FAM20B: variants seen among roughly 807,000 people sequenced by gnomAD.
FAM20B encodes FAM20B glycosaminoglycan xylosylkinase, also known as glycosaminoglycan xylosylkinase.
Under a neutral mutation model 43.8 loss-of-function variants are expected in FAM20B, and 23 were observed. That is an observed-to-expected ratio of 0.53 (90% CI 0.38 to 0.74). FAM20B has a LOEUF of 0.74. Among genes scored for constraint, FAM20B ranks in the 30% least tolerant of loss-of-function variants. The pLI, the probability that FAM20B is intolerant of heterozygous loss-of-function variation, is 0.00. For synonymous variants in FAM20B, 178 were observed against 192.4 expected (o/e 0.93, Z 0.62); for missense variants, 440 against 510.5 (o/e 0.86, Z 1.33).
In FAM20B at chr1:179,043,707, G is replaced by T. The variant is rs940380500; in HGVS notation, c.-133-8G>T. 17 of 831,994 alleles carry T rather than the reference G, an allele frequency of 2.0e-5. No individual in the cohort carries two copies. The highest frequency in any genetic ancestry group is 3.8e-4 in the Middle Eastern group (1 of 2,660). 51.5% of individuals were successfully genotyped at this position (831,994 alleles called of 1,614,324 possible). On this transcript the variant is annotated splice_region_variant and splice_polypyrimidine_tract_variant and intron_variant, in intron 1 of 7. Coordinates refer to ENST00000263733, the MANE Select transcript of FAM20B (RefSeq NM_014864.4). ...TGATCAAATTTTGCTTTGTACTTGGGCTTGCAGGAACTGTGGAAGGTGCAT... is the reference window on the plus strand; with the variant it reads ...TGATCAAATTTTGCTTTGTACTTGGTCTTGCAGGAACTGTGGAAGGTGCAT...
At chr1:179,055,511 A>G (rs1007902210) in intron 4 of FAM20B, among the ~76,000 whole-genome samples, 3 of 152,210 alleles carry the variant, frequency 2.0e-5, no homozygotes, top group African/African-American at 7.2e-5. Flanking sequence ...CTTGGGCTAT[A>G]CTTTTCTTAT....
intron 6 of FAM20B, 126 bp downstream of exon 6, chr1:179,064,622 G>A: frequency 1.4e-6 from 1 of 724,856 alleles, no homozygotes; most frequent in Non-Finnish European, 2.2e-6. Context: ...TTTTCCACTT[G>A]GAGTCTTTGC....
At chr1:179,020,329 G>A in the FAM20B span, among the ~76,000 whole-genome samples, 59,690 of 152,006 alleles carry the variant, frequency 0.39, 11,984 homozygotes, top group African/African-American at 0.45. Context: ...GCTTCTGTAT[G>A]TCTAAGCCCC....
At chr1:179,017,368 T>C in the FAM20B span, among the ~76,000 whole-genome samples, 1 of 152,230 alleles carries the variant, frequency 6.6e-6, no homozygotes, top group African/African-American at 2.4e-5. Context: ...AGGAGAATGT[T>C]GTTGCTTGAG....
chr1:179,070,236 G>A (rs1020321286), intron 7 of FAM20B, among the ~76,000 whole-genome samples: 1 of 151,780 alleles, frequency 6.6e-6, no homozygotes, highest in Non-Finnish European at 1.5e-5. Flanking sequence ...AGGAGAGATG[G>A]GGTTTCACCA....
At chr1:179,067,557 T>C (rs762338025) in intron 7 of FAM20B, among the ~76,000 whole-genome samples, 1 of 152,078 alleles carries the variant, frequency 6.6e-6, no homozygotes, top group Non-Finnish European at 1.5e-5. Context: ...TGAGCCGAGA[T>C]TGTGCCATTG....
the FAM20B span, among the ~76,000 whole-genome samples, chr1:179,019,085 C>A: frequency 3.9e-5 from 6 of 152,206 alleles, no homozygotes; most frequent in Non-Finnish European, 8.8e-5. Context: ...GCAGTCCACG[C>A]ACAGTGGGGA....
intron 7 of FAM20B, among the ~76,000 whole-genome samples, chr1:179,070,909 A>T (rs1376470171): frequency 6.6e-6 from 1 of 152,080 alleles, no homozygotes; most frequent in Non-Finnish European, 1.5e-5. Context: ...CTACCTTGAT[A>T]CTGTTACAAT....
intron 3 of FAM20B, among the ~76,000 whole-genome samples, chr1:179,051,548 G>A (rs1439254728): frequency 1.3e-5 from 2 of 151,960 alleles, no homozygotes; most frequent in Non-Finnish European, 2.9e-5. Context: ...GATTGCTTGA[G>A]CCTGGGAGGT....
intron 1 of FAM20B, among the ~76,000 whole-genome samples, chr1:179,030,124 A>G (rs1649948069): frequency 1.3e-5 from 2 of 152,172 alleles, no homozygotes; most frequent in Admixed American, 1.3e-4. Context: ...ATTGAATGTA[A>G]AACAGCTAAA....
At chr1:179,054,696 C>T (rs2102511069) in intron 4 of FAM20B, 58 bp downstream of exon 4, 6 of 1,041,124 alleles carry the variant, frequency 5.8e-6, no homozygotes, top group Non-Finnish European at 7.3e-6. Flanking sequence ...TAAAATGGGG[C>T]ATTGTTGAGC....
intron 2 of FAM20B, among the ~76,000 whole-genome samples, chr1:179,048,332 G>A (rs755658140): frequency 1.3e-5 from 2 of 152,160 alleles, no homozygotes; most frequent in Non-Finnish European, 2.9e-5. Flanking sequence ...CAAAACATGA[G>A]CTGAGGATTC....
At chr1:179,066,980 T>C (rs1169786210) in intron 7 of FAM20B, 121 bp downstream of exon 7, 1 of 695,504 alleles carries the variant, frequency 1.4e-6, no homozygotes, top group African/African-American at 1.8e-5. Flanking sequence ...TTTCATACTT[T>C]TCCAACCTAG....
At chr1:179,040,800 C>T (rs1229877421) in intron 1 of FAM20B, among the ~76,000 whole-genome samples, 2 of 151,932 alleles carry the variant, frequency 1.3e-5, no homozygotes, top group Non-Finnish European at 1.5e-5. Flanking sequence ...TGGGCGGAGA[C>T]GCTCCTCACT....
At position 179,040,686 on chromosome 1, in the gene FAM20B, G is replaced by A. The variant is rs1216531327; in HGVS notation, c.-133-3029G>A. ...TGATCCCCCCACCTCCCTCCCGGAC[G>A]GGGCGGCTGGCCTGGCGGGGGCTGA... On this transcript the variant is annotated intron_variant, in intron 1 of 7. Coordinates refer to ENST00000263733, the MANE Select transcript of FAM20B (RefSeq NM_014864.4). Among the ~76,000 whole-genome samples, 36 of 124,228 alleles carry A rather than the reference G, an allele frequency of 2.9e-4. 2 individuals are homozygous for A. Among genetic ancestry groups the A allele is most frequent in the African/African-American group, 1.0e-3 (34 of 32,606 alleles). The allele number at this position is 124,228 out of a possible 152,430, so 81.5% of individuals were successfully genotyped here.
chr1:179,032,090 A>C (rs1037210684), intron 1 of FAM20B, among the ~76,000 whole-genome samples: 5 of 152,180 alleles, frequency 3.3e-5, no homozygotes, highest in Non-Finnish European at 7.3e-5. Context: ...CAAGACTACT[A>C]ATTACTACTA....
chr1:179,045,030 G>C (rs989722277), intron 2 of FAM20B, among the ~76,000 whole-genome samples: 1 of 152,188 alleles, frequency 6.6e-6, no homozygotes, highest in Non-Finnish European at 1.5e-5. Context: ...TTTAAGTAAA[G>C]AATTGGGCCA....
chr1:179,031,858 C>A (rs1650029162), intron 1 of FAM20B, among the ~76,000 whole-genome samples: 1 of 152,232 alleles, frequency 6.6e-6, no homozygotes. Flanking sequence ...GAAAGGCATT[C>A]TATTTTAGCC....
intron 2 of FAM20B, among the ~76,000 whole-genome samples, chr1:179,046,146 C>T (rs1315782190): frequency 6.6e-6 from 1 of 152,062 alleles, no homozygotes; most frequent in Non-Finnish European, 1.5e-5. Flanking sequence ...AGTTTGAACC[C>T]ATATTTGTTA....
Sources: gnomAD v4.1 joint callset for allele counts (sites outside exome capture counted in the v4.1 genomes callset) on GRCh38, gnomAD v4.1.1 for gene constraint, MANE v1.5 for transcripts, NCBI Gene and HGNC (gene_info 2026-07-23, HGNC 2026-07-21) for gene names.